LIMS2: variants seen among roughly 807,000 people sequenced by gnomAD.
The protein encoded by LIMS2 is LIM and senescent cell antigen-like-containing domain protein 2.
Under a neutral mutation model 45.3 loss-of-function variants are expected in LIMS2, and 30 were observed. The observed-to-expected ratio is 0.66, with a 90% CI of 0.50 to 0.90. The LOEUF (loss-of-function observed/expected upper bound fraction) is 0.90, where lower values mean the gene tolerates loss of function less well. Ranked by LOEUF, LIMS2 falls within the 40% of genes least tolerant of loss-of-function variation. The pLI is 0.00. For missense variants in LIMS2, 485 were observed against 468.7 expected (o/e 1.03, Z -0.32); for synonymous variants, 173 against 188.0 (o/e 0.92, Z 0.65).
intron 1 of LIMS2, chr2:127,674,621 C>T (rs1685422141): frequency 4.1e-6 from 4 of 984,926 alleles, no homozygotes; most frequent in East Asian, 1.1e-4. Context: ...TGACACTCAC[C>T]GGGATCGGGG....
chr2:127,641,193 G>A (rs369260231), intron 6 of LIMS2: 148 of 552,476 alleles, frequency 2.7e-4, no homozygotes, highest in Non-Finnish European at 3.7e-4. Context: ...GGGCAGAGGG[G>A]ACTGACACCT....
chr2:127,650,595 C>A, intron 4 of LIMS2: 1 of 689,542 alleles, frequency 1.5e-6, no homozygotes, highest in Non-Finnish European at 2.5e-6. Context: ...GCCCCGTGGG[C>A]GGTGCTGAGC....
At chr2:127,657,110 C>T (rs570015477) in intron 2 of LIMS2, among the ~76,000 whole-genome samples, 1 of 152,328 alleles carries the variant, frequency 6.6e-6, no homozygotes, top group African/African-American at 2.4e-5. Flanking sequence ...TGTCTAGTCC[C>T]CAGGGAGGGC....
chr2:127,650,457 CT>C lies in LIMS2; in HGVS notation c.359+3966del, dbSNP rs1281010934. ...CCAGCTCTGAGGAGCCTCAGATCTCCTGGGTGGCAGGGGTGCAGCTGCATAG... is the reference window on the plus strand; with the variant it reads ...CCAGCTCTGAGGAGCCTCAGATCTCCGGGTGGCAGGGGTGCAGCTGCATAG... On this transcript the variant is annotated intron_variant, in intron 4 of 9. Coordinates refer to ENST00000355119, the MANE Select transcript of LIMS2 (RefSeq NM_001161403.3). The C allele has an allele frequency of 1.4e-5, 8 of 552,848 alleles. No homozygotes were observed. The East Asian group carries it at 2.1e-4, about 15-fold the overall frequency. The allele number at this position is 552,848 out of a possible 1,614,324, so 34.2% of individuals were successfully genotyped here. A position where few individuals can be genotyped will look rare whatever the true frequency, so the allele number is the denominator to read the frequency against.
chr2:127,649,305 G>A (rs1011266790), intron 4 of LIMS2, among the ~76,000 whole-genome samples: 1 of 152,160 alleles, frequency 6.6e-6, no homozygotes, highest in African/African-American at 2.4e-5. Context: ...ACCCTGCCAG[G>A]GCTGTGGCCC....
intron 1 of LIMS2, chr2:127,673,536 A>G: frequency 1.2e-6 from 1 of 807,148 alleles, no homozygotes; most frequent in East Asian, 2.8e-5. Flanking sequence ...TCTCCAGGGA[A>G]AGGCCCAAGG....
chr2:127,659,353 A>T (rs1162535990), intron 1 of LIMS2, among the ~76,000 whole-genome samples: 1 of 152,172 alleles, frequency 6.6e-6, no homozygotes, highest in African/African-American at 2.4e-5. Context: ...TGGCAACAGG[A>T]GTTGGGAAGA....
upstream of LIMS2, among the ~76,000 whole-genome samples, chr2:127,680,495 C>G (rs72846216): frequency 0.065 from 9,892 of 152,248 alleles, 445 homozygotes; most frequent in Middle Eastern, 0.16. Flanking sequence ...AAAATATGAG[C>G]CTGCCCTCAG....
At position 127,639,422 on chromosome 2, in the gene LIMS2, CTTG is replaced by C. The variant is rs1558864889; in HGVS notation, c.882_884del (p.Asn294del). The C allele has an allele frequency of 6.2e-7, 1 of 1,613,588 alleles. No individual in the cohort carries two copies. The highest frequency in any genetic ancestry group is 1.3e-5 in the African/African-American group (1 of 74,926). ...CGGGCTTCATGTCGAACTCCACAAA[CTTG>C]TTCCTGAGGAGGAAGCTGAGCTGTC... is the stretch of plus-strand genomic sequence containing the variant. On this transcript the variant is annotated inframe_deletion, in exon 10 of 10. Coordinates refer to ENST00000355119, the MANE Select transcript of LIMS2 (RefSeq NM_001161403.3).
chr2:127,655,106 G>A, intron 2 of LIMS2: 1 of 629,886 alleles, frequency 1.6e-6, no homozygotes, highest in Admixed American at 2.4e-5. Context: ...GTGCCCCCGT[G>A]GAAGCTGGAG....
Position 127,653,259 on chromosome 2 carries a change from A to T in LIMS2, c.359+1165T>A, listed in dbSNP as rs1683983540. On this transcript the variant is annotated intron_variant, in intron 4 of 9. Coordinates refer to ENST00000355119, the MANE Select transcript of LIMS2 (RefSeq NM_001161403.3). This position sits in a 1 kb window ranked among gnomAD's most constrained non-coding sequence, Gnocchi z 5.3. ...GGGAGCAGAGTGCCCGGACAGAGAG[A>T]GTGTGGCAGGGGAAGCATGGCTGGG... Among the ~76,000 whole-genome samples the T allele has an allele frequency of 6.6e-6, 1 of 151,930 alleles. No homozygotes were observed. The highest frequency in any genetic ancestry group is 1.9e-4 in the East Asian group (1 of 5,166).
In LIMS2 at chr2:127,647,412, C is replaced by T. The variant is rs1260715012; in HGVS notation, c.360-4340G>A. Among the ~76,000 whole-genome samples the T allele has an allele frequency of 2.0e-5, 3 of 152,186 alleles. No homozygotes were observed. Among genetic ancestry groups the T allele is most frequent in the Non-Finnish European group, 4.4e-5 (3 of 68,022 alleles). The stretch of plus-strand genomic sequence containing the variant: ...GTGACCTAAGACAAGTTAGCAGACA[C>T]TCAGCCTTGACTCCCTAACCTGCAA... On this transcript the variant is annotated intron_variant, in intron 4 of 9. Transcript: ENST00000355119. The surrounding 1 kb of genome is among the most constrained non-coding windows in gnomAD (Gnocchi z 4.3).
intron 4 of LIMS2, among the ~76,000 whole-genome samples, chr2:127,645,073 A>C (rs929803514): frequency 2.0e-5 from 3 of 152,074 alleles, no homozygotes; most frequent in Non-Finnish European, 4.4e-5. Flanking sequence ...AGAAAAACAA[A>C]ACACACACAC....
upstream of LIMS2, among the ~76,000 whole-genome samples, chr2:127,678,213 A>G (rs1487202818): frequency 2.0e-5 from 3 of 152,068 alleles, no homozygotes; most frequent in Non-Finnish European, 4.4e-5. The surrounding 1 kb of genome is among the most constrained non-coding windows in gnomAD (Gnocchi z 5.3). Context: ...AGCTACGGGG[A>G]GGCTGAGGAG....
intron 2 of LIMS2, 146 bp downstream of exon 2, chr2:127,657,257 C>A: frequency 2.3e-6 from 2 of 862,402 alleles, no homozygotes; most frequent in Admixed American, 2.5e-5. Flanking sequence ...GAAGGATGGG[C>A]CCGTGCAGGA....
chr2:127,644,127 G>C (rs1682706314), intron 4 of LIMS2: 1 of 456,364 alleles, frequency 2.2e-6, no homozygotes, highest in Non-Finnish European at 4.4e-6. Flanking sequence ...ATCTGCCCTG[G>C]GGTGTCTCAT....
chr2:127,643,475 G>A (rs772254230), intron 4 of LIMS2: 3 of 457,262 alleles, frequency 6.6e-6, no homozygotes, highest in South Asian at 1.5e-5. Flanking sequence ...GCCAGTGAGT[G>A]TCCCGGGAGG....
At chr2:127,658,986 A>G (rs1684443830) in intron 1 of LIMS2, among the ~76,000 whole-genome samples, 1 of 152,204 alleles carries the variant, frequency 6.6e-6, no homozygotes, top group Non-Finnish European at 1.5e-5. Context: ...TGCGGCCTGC[A>G]ATCTGGGCAG....
intron 3 of LIMS2, 90 bp from the exon 4 acceptor site, chr2:127,654,634 T>A (rs1196895503): frequency 1.0e-5 from 16 of 1,583,722 alleles, no homozygotes; most frequent in Non-Finnish European, 1.4e-5. Context: ...GCACTCCGCC[T>A]GCTCTCTGCC....
Sources: gnomAD v4.1 joint callset for allele counts (sites outside exome capture counted in the v4.1 genomes callset) on GRCh38, gnomAD v4.1.1 for gene constraint, Gnocchi (gnomAD v3.1) non-coding constraint, MANE v1.5 for transcripts, NCBI Gene and HGNC (gene_info 2026-07-23, HGNC 2026-07-21) for gene names.